The following HTR1F variants were observed in gnomAD, a reference collection of about 807,000 sequenced individuals.
HTR1F encodes 5-hydroxytryptamine receptor 1F.
HTR1F carries 17 observed loss-of-function variants against 24.0 expected under a neutral mutation model. The observed-to-expected ratio is 0.71, with a 90% CI of 0.48 to 1.06. HTR1F has a LOEUF of 1.06. HTR1F is among the 50% of genes least tolerant of loss of function. HTR1F has a pLI of 0.00. For missense variants in HTR1F, 391 were observed against 427.8 expected (o/e 0.91, Z 0.76); for synonymous variants, 186 against 156.8 (o/e 1.19, Z -1.39).
chr3:87,972,651 T>C (rs1705310127), intron 2 of HTR1F, among the ~76,000 whole-genome samples: 1 of 152,134 alleles, frequency 6.6e-6, no homozygotes, highest in Non-Finnish European at 1.5e-5. Flanking sequence ...TAAACCTCCT[T>C]TTCTTGTGTT....
In HTR1F at chr3:87,913,585, T is replaced by C. The variant is rs182593323; in HGVS notation, c.-42-77123T>C. Reference sequence around the variant, plus strand: ...CCCAGCAATCCCATTACTGGATATATACCCAAAGAAATATAAATTGTTCTG... The same window carrying C: ...CCCAGCAATCCCATTACTGGATATACACCCAAAGAAATATAAATTGTTCTG... On this transcript the variant is annotated intron_variant, in intron 2 of 2. Coordinates refer to ENST00000319595, the MANE Select transcript of HTR1F (RefSeq NM_001322209.2). Among the ~76,000 whole-genome samples, 246 of 152,238 alleles carry C rather than the reference T, an allele frequency of 1.6e-3. 5 individuals are homozygous for C. The highest frequency in any genetic ancestry group is 0.016 in the Admixed American group (240 of 15,274).
chr3:87,808,448 A>AT (rs1370991545), intron 1 of HTR1F, among the ~76,000 whole-genome samples: 2 of 151,016 alleles, frequency 1.3e-5, no homozygotes, highest in African/African-American at 4.9e-5. Context: ...TGTATCTGTG[A>AT]TATCAGTTGT....
At position 87,993,323 on chromosome 3, in the gene HTR1F, T is replaced by C. The variant is rs1223402432; in HGVS notation, c.*1473T>C. On this transcript the variant is annotated 3_prime_UTR_variant, in exon 3 of 3. Coordinates refer to ENST00000319595, the MANE Select transcript of HTR1F (RefSeq NM_001322209.2). Reference sequence around the variant, plus strand: ...ACAAGGCATTGAGACATATACTAGATAGAAGATATACGAAATAATAAAATA... The same window carrying C: ...ACAAGGCATTGAGACATATACTAGACAGAAGATATACGAAATAATAAAATA... 1 of 164,420 alleles carries C rather than the reference T, an allele frequency of 6.1e-6. No homozygotes were observed. The highest frequency in any genetic ancestry group is 1.5e-5 in the Non-Finnish European group (1 of 67,552). The allele number at this position is 164,420 out of a possible 1,614,324, so 10.2% of individuals were successfully genotyped here.
In HTR1F at chr3:87,859,288, G is replaced by C. The variant is rs776558180; in HGVS notation, c.-43+37164G>C. 3.1e-4 allele frequency among the ~76,000 whole-genome samples: 47 copies of C among 152,316 alleles called. No homozygotes were observed. In the Middle Eastern group the frequency reaches 0.01, roughly 33 times the overall value. On this transcript the variant is annotated intron_variant, in intron 2 of 2. Coordinates refer to ENST00000319595, the MANE Select transcript of HTR1F (RefSeq NM_001322209.2). ...CATCACTATAGTGTGTTAGTCTCAAGTAACAGTCACTCAGTCTAAAAAAAT... is the reference window on the plus strand; with the variant it reads ...CATCACTATAGTGTGTTAGTCTCAACTAACAGTCACTCAGTCTAAAAAAAT...
At chr3:87,795,162 T>G (rs1238448834) in intron 1 of HTR1F, among the ~76,000 whole-genome samples, 1 of 152,034 alleles carries the variant, frequency 6.6e-6, no homozygotes, top group East Asian at 1.9e-4. Context: ...TAATTTGTAT[T>G]TTTAGTAGAA....
chr3:87,948,923 C>A (rs1482476708), intron 2 of HTR1F, among the ~76,000 whole-genome samples: 1 of 152,024 alleles, frequency 6.6e-6, no homozygotes, highest in Non-Finnish European at 1.5e-5. Flanking sequence ...CAATAACAAC[C>A]CTCTTGAATC....
At position 87,893,519 on chromosome 3, in the gene HTR1F, A is replaced by G. The variant is rs537912613; in HGVS notation, c.-43+71395A>G. 2.6e-5 allele frequency among the ~76,000 whole-genome samples: 4 copies of G among 152,370 alleles called. No individual in the cohort carries two copies. The South Asian group carries it at 8.3e-4, about 32-fold the overall frequency. On this transcript the variant is annotated intron_variant, in intron 2 of 2. Transcript: ENST00000319595. ...CTCATCTATTTGATACTTTATTTCA[A>G]CATACCAAATTAAAAGACTGCTAGA...
intron 2 of HTR1F, among the ~76,000 whole-genome samples, chr3:87,954,827 C>T (rs1297674765): frequency 6.6e-6 from 1 of 151,514 alleles, no homozygotes; most frequent in African/African-American, 2.4e-5. Flanking sequence ...CTGACACAAA[C>T]TTTTTTAAAG....
chr3:87,961,766 G>A (rs535636439), intron 2 of HTR1F, among the ~76,000 whole-genome samples: 60 of 149,830 alleles, frequency 4.0e-4, no homozygotes, highest in African/African-American at 1.5e-3. Context: ...AAAATGGAAA[G>A]TAATGGAGGT....
intron 2 of HTR1F, among the ~76,000 whole-genome samples, chr3:87,955,436 T>C (rs1704922940): frequency 6.6e-6 from 1 of 151,694 alleles, no homozygotes; most frequent in East Asian, 1.9e-4. Context: ...ACATCTTTTT[T>C]ATCCATTCAC....
chr3:87,798,653 C>G (rs182350336), intron 1 of HTR1F, among the ~76,000 whole-genome samples: 122 of 152,158 alleles, frequency 8.0e-4, no homozygotes, highest in African/African-American at 2.7e-3. Context: ...ATTAACTCCT[C>G]TCCCACCACA....
chr3:87,852,375 G>T (rs1346428224), intron 2 of HTR1F, among the ~76,000 whole-genome samples: 1 of 151,512 alleles, frequency 6.6e-6, no homozygotes, highest in African/African-American at 2.4e-5. Context: ...TTTAGATGTA[G>T]CCTCCATGGC....
At chr3:87,983,351 CAG>C (rs1320257056) in intron 2 of HTR1F, among the ~76,000 whole-genome samples, 1 of 152,172 alleles carries the variant, frequency 6.6e-6, no homozygotes, top group East Asian at 1.9e-4. Context: ...AAAAGCCTTG[CAG>C]AGTTTCCCAT....
intron 2 of HTR1F, among the ~76,000 whole-genome samples, chr3:87,952,555 T>A (rs1396834090): frequency 6.6e-6 from 1 of 151,952 alleles, no homozygotes; most frequent in Non-Finnish European, 1.5e-5. Context: ...TCAGCATCAA[T>A]AAATTGCGAT....
At chr3:87,841,473 G>T (rs1430622776) in intron 2 of HTR1F, among the ~76,000 whole-genome samples, 1 of 151,738 alleles carries the variant, frequency 6.6e-6, no homozygotes, top group Non-Finnish European at 1.5e-5. Flanking sequence ...CCCACTAATT[G>T]TATTAACAAA....
intron 2 of HTR1F, among the ~76,000 whole-genome samples, chr3:87,915,580 C>T (rs1196723917): frequency 6.6e-6 from 1 of 151,848 alleles, no homozygotes; most frequent in Non-Finnish European, 1.5e-5. Flanking sequence ...ATCGGAAGAC[C>T]AATAGAATTG....
chr3:87,889,083 A>G (rs1467865301), intron 2 of HTR1F, among the ~76,000 whole-genome samples: 2 of 152,074 alleles, frequency 1.3e-5, no homozygotes, highest in Non-Finnish European at 2.9e-5. Flanking sequence ...TGTTATAAAG[A>G]GCCTGGCATC....
At chr3:87,833,749 C>T (rs1397877416) in intron 2 of HTR1F, among the ~76,000 whole-genome samples, 1 of 152,152 alleles carries the variant, frequency 6.6e-6, no homozygotes, top group Non-Finnish European at 1.5e-5. Context: ...AAGCAATCCT[C>T]CTAGCTTGGC....
chr3:87,880,559 TTTC>T (rs1705769328), intron 2 of HTR1F, among the ~76,000 whole-genome samples: 1 of 152,164 alleles, frequency 6.6e-6, no homozygotes, highest in Non-Finnish European at 1.5e-5. Flanking sequence ...TCAAAAAATA[TTTC>T]TTCAATTTAT....
Sources: allele counts gnomAD v4.1 joint callset (sites outside exome capture counted in the v4.1 genomes callset), GRCh38; gene constraint gnomAD v4.1.1; transcripts MANE v1.5; gene names NCBI Gene and HGNC (gene_info 2026-07-23, HGNC 2026-07-21).